Variants in ABCA2 observed in about 807,000 individuals in gnomAD.
The protein encoded by ABCA2 is ATP-binding cassette sub-family A member 2.
ABCA2 carries 84 observed loss-of-function variants against 262.8 expected under a neutral mutation model. The observed-to-expected ratio is 0.32, with a 90% CI of 0.27 to 0.38. The LOEUF is 0.38. Among genes scored for constraint, ABCA2 ranks in the 10% least tolerant of loss-of-function variants. The pLI, the probability that ABCA2 is intolerant of heterozygous loss-of-function variation, is 1.00. For missense variants in ABCA2, 2,662 were observed against 3,405.9 expected (o/e 0.78, Z 5.44); for synonymous variants, 1,696 against 1,502.9 (o/e 1.13, Z -2.97).
chr9:137,015,497 G>A lies in ABCA2; in HGVS notation c.3614C>T (p.Ser1205Phe). The A allele has an allele frequency of 6.2e-7, 1 of 1,611,586 alleles. No homozygotes were observed. Among genetic ancestry groups the A allele is most frequent in the Non-Finnish European group, 8.5e-7 (1 of 1,179,402 alleles). ...ATAGGTGCCCTTGAGGAAGAGCGGG[G>A]AGCCGCAGCACTTGAGCTTCCCATG... ...ISHGKLKCCG[S>F]PLFLKGTYGD... The change falls in exon 24 of 49, where the codon TCC (serine) becomes TTC (phenylalanine). Residue 1205 changes from serine (S) to phenylalanine (F), a missense_variant. By Grantham distance (155) the Ser-to-Phe change is radical (BLOSUM62 -2). Around this residue, in one of 12 missense-constraint regions of ABCA2, gnomAD observed 180 missense variants for 307.3 expected, o/e 0.59. Coordinates refer to ENST00000341511, the MANE Select transcript of ABCA2 (RefSeq NM_001606.5).
At chr9:137,009,213 C>T in intron 45 of ABCA2, 157 bp downstream of exon 45, 1 of 922,460 alleles carries the variant, frequency 1.1e-6, no homozygotes, top group Non-Finnish European at 1.6e-6. Flanking sequence ...AGGCTCCTCC[C>T]CTGGCCCCAC....
At chr9:137,015,624 G>C (rs368765615) in intron 23 of ABCA2, 28 bp from the exon 24 acceptor site, 1 of 1,611,938 alleles carries the variant, frequency 6.2e-7, no homozygotes, top group Non-Finnish European at 8.5e-7. Context: ...CCAGGGTCAG[G>C]GGGCAGGGGA....
At chr9:137,028,375 C>T (rs1350861851), upstream of ABCA2, 3 of 685,118 alleles carry the variant, frequency 4.4e-6, no homozygotes, top group African/African-American at 2.0e-5. This position sits in a 1 kb window ranked among gnomAD's most constrained non-coding sequence, Gnocchi z 6.9. Context: ...CCAGGAGGCG[C>T]CCGCCGCCCG....
chr9:137,024,472 G>A (rs1048213662), intron 1 of ABCA2, among the ~76,000 whole-genome samples: 4 of 152,204 alleles, frequency 2.6e-5, no homozygotes, highest in African/African-American at 9.6e-5. Flanking sequence ...CTGGGCCTAC[G>A]TGCCCTCTGA....
upstream of ABCA2, chr9:137,028,429 CG>C: frequency 2.7e-6 from 1 of 373,488 alleles, no homozygotes; most frequent in Non-Finnish European, 3.7e-6. This position sits in a 1 kb window ranked among gnomAD's most constrained non-coding sequence, Gnocchi z 6.9. Flanking sequence ...CTGCGCGCGC[CG>C]CCGCCGGGAA....
At chr9:137,020,597 G>C in intron 9 of ABCA2, 97 bp downstream of exon 9, 1 of 1,552,870 alleles carries the variant, frequency 6.4e-7, no homozygotes, top group South Asian at 1.2e-5. Context: ...ACAGGGCAGG[G>C]CGCCAAATGA....
At position 137,018,081 on chromosome 9, in the gene ABCA2, G is replaced by A; in HGVS notation, c.1994-6C>T. ...GATGGCGCGCTCCATCATGTCTGTG[G>A]GTGGGGGCAGCCATCAGGTGCCGGG... On this transcript the variant is annotated splice_region_variant and splice_polypyrimidine_tract_variant and intron_variant, in intron 14 of 48. Transcript: ENST00000341511. 6.2e-7 allele frequency: 1 copy of A among 1,611,996 alleles called. No individual in the cohort carries two copies. Among genetic ancestry groups the A allele is most frequent in the East Asian group, 2.2e-5 (1 of 44,804 alleles).
chr9:137,019,640 T>G lies in ABCA2; in HGVS notation c.1426-334A>C, dbSNP rs565774083. On this transcript the variant is annotated intron_variant, in intron 10 of 48. Coordinates refer to ENST00000341511, the MANE Select transcript of ABCA2 (RefSeq NM_001606.5). The surrounding 1 kb of genome is among the most constrained non-coding windows in gnomAD (Gnocchi z 4.4). ...TTCCGCTATGTTGCTCGGGCTTGTC[T>G]CAAACTCCTGAGCTCAAGCGATCCT... 1 of 265,546 alleles carries G rather than the reference T, an allele frequency of 3.8e-6. No homozygotes were observed. The highest frequency in any genetic ancestry group is 2.3e-5 in the African/African-American group (1 of 43,694). The allele number at this position is 265,546 out of a possible 1,614,324, so 16.4% of individuals were successfully genotyped here. A position where few individuals can be genotyped will look rare whatever the true frequency, so the allele number is the denominator to read the frequency against.
intron 3 of ABCA2, chr9:137,023,539 C>G: frequency 1.4e-6 from 1 of 737,766 alleles, no homozygotes; most frequent in South Asian, 1.4e-5. Context: ...CCAGCCTCAG[C>G]CCAGACTCAG....
At position 137,008,516 on chromosome 9, in the gene ABCA2, C is replaced by G; in HGVS notation, c.7175G>C (p.Arg2392Pro). ...SPLGCLLSLL[R>P]PRSAPTELRA... ...GAGCTCCGTGGGGGCAGACCGGGGC[C>G]GGAGCAGGCTGAGCAAGCAGCCGAG... The change falls in exon 48 of 49, where the codon CGG becomes CCG. Residue 2392 changes from arginine (R) to proline (P), a missense_variant. Physicochemically the swap from Arg to Pro is moderately radical, Grantham distance 103. Around this residue, in one of 12 missense-constraint regions of ABCA2, gnomAD observed 212 missense variants for 214.4 expected, o/e 0.99. Coordinates refer to ENST00000341511, the MANE Select transcript of ABCA2 (RefSeq NM_001606.5). The G allele has an allele frequency of 6.3e-7, 1 of 1,590,816 alleles. No homozygotes were observed. Among genetic ancestry groups the G allele is most frequent in the South Asian group, 1.1e-5 (1 of 87,736 alleles).
chr9:137,018,840 C>T, intron 12 of ABCA2, 25 bp from the exon 13 acceptor site: 1 of 1,612,486 alleles, frequency 6.2e-7, no homozygotes, highest in South Asian at 1.1e-5. Context: ...ATCGCTGGAG[C>T]CCGCCGTGGG....
rs999063649 is a variant in ABCA2, at chr9:137,007,716, G to A, written c.*213C>T. 1.5e-5 allele frequency: 10 copies of A among 665,144 alleles called. No individual in the cohort carries two copies. The highest frequency in any genetic ancestry group is 1.3e-4 in the African/African-American group (7 of 55,612). The allele number at this position is 665,144 out of a possible 1,614,324, so 41.2% of individuals were successfully genotyped here. ...CAGGGCAAGGGTGTACGCAGCCCGG[G>A]CCGGGTCAGCCTTTGGCACAATTAG... On this transcript the variant is annotated 3_prime_UTR_variant, in exon 49 of 49. Transcript: ENST00000341511.
chr9:137,023,081 CG>C, intron 3 of ABCA2, 29 bp from the exon 4 acceptor site: 1 of 1,511,156 alleles, frequency 6.6e-7, no homozygotes, highest in Non-Finnish European at 9.0e-7. Context: ...AGGGCAGGGT[CG>C]GGGGTGAAAG....
chr9:137,028,151 C>T lies in ABCA2; in HGVS notation c.-11G>A, dbSNP rs1831723247. ...GTGCAGGAAGCCCATGGCGGGGCCA[C>T]GCTCCGCCGCCTCAGCGCCGCGGCC... On this transcript the variant is annotated 5_prime_UTR_variant, in exon 1 of 49. In the 5' UTR this introduces an upstream ATG that the reference lacks. Coordinates refer to ENST00000341511, the MANE Select transcript of ABCA2 (RefSeq NM_001606.5). The surrounding 1 kb of genome is among the most constrained non-coding windows in gnomAD (Gnocchi z 6.9). The T allele has an allele frequency of 1.0e-6, 1 of 982,274 alleles. No individual in the cohort carries two copies. The highest frequency in any genetic ancestry group is 1.2e-6 in the Non-Finnish European group (1 of 828,766). The allele number at this position is 982,274 out of a possible 1,614,324, so 60.8% of individuals were successfully genotyped here. A position where few individuals can be genotyped will look rare whatever the true frequency, so the allele number is the denominator to read the frequency against.
In ABCA2 at chr9:137,007,674, G is replaced by A. The variant is rs968365079; in HGVS notation, c.*255C>T. ...AGGGGCGAGGGGCCGGGCAGACCCCGAGGCTTTAAGGCAAAGCAGGGCAAG... is the reference window on the plus strand; with the variant it reads ...AGGGGCGAGGGGCCGGGCAGACCCCAAGGCTTTAAGGCAAAGCAGGGCAAG... On this transcript the variant is annotated 3_prime_UTR_variant, in exon 49 of 49. Coordinates refer to ENST00000341511, the MANE Select transcript of ABCA2 (RefSeq NM_001606.5). 48 of 575,374 alleles carry A rather than the reference G, an allele frequency of 8.3e-5. No homozygotes were observed. The highest frequency in any genetic ancestry group is 9.4e-4 in the Middle Eastern group (2 of 2,120). The allele number at this position is 575,374 out of a possible 1,614,324, so 35.6% of individuals were successfully genotyped here.
chr9:137,028,614 C>A, upstream of ABCA2: 1 of 1,070,996 alleles, frequency 9.3e-7, no homozygotes, highest in Non-Finnish European at 1.2e-6. The surrounding 1 kb of genome is among the most constrained non-coding windows in gnomAD (Gnocchi z 6.9). Context: ...CCTTCACTGT[C>A]CCCGGGGCGC....
intron 45 of ABCA2, 28 bp downstream of exon 45, chr9:137,009,342 G>T: frequency 4.8e-6 from 2 of 415,418 alleles, no homozygotes; most frequent in Non-Finnish European, 8.1e-6. Context: ...GCCCGCCCCA[G>T]CCCACCCCTG....
At chr9:137,028,793 C>G, upstream of ABCA2, 6 of 1,302,482 alleles carry the variant, frequency 4.6e-6, no homozygotes, top group South Asian at 7.7e-5. This position sits in a 1 kb window ranked among gnomAD's most constrained non-coding sequence, Gnocchi z 6.9. Context: ...AAACTCGAGG[C>G]CCCAGGAACG....
chr9:137,023,982 A>T (rs1317455670), intron 2 of ABCA2, 142 bp from the exon 3 acceptor site: 3 of 1,533,786 alleles, frequency 2.0e-6, no homozygotes, highest in East Asian at 4.9e-5. Context: ...CGACCTCCAC[A>T]GCCCAGCCAG....
Sources: gnomAD v4.1 joint callset for allele counts (sites outside exome capture counted in the v4.1 genomes callset) on GRCh38, gnomAD v4.1.1 for gene constraint, gnomAD v4.1.1 regional missense constraint, Gnocchi (gnomAD v3.1) non-coding constraint, MANE v1.5 for transcripts, NCBI Gene and HGNC (gene_info 2026-07-23, HGNC 2026-07-21) for gene names.